MAEL: variants seen among roughly 807,000 people sequenced by gnomAD.
MAEL encodes protein maelstrom homolog.
Under a neutral mutation model 62.0 loss-of-function variants are expected in MAEL, and 46 were observed. The ratio of observed to expected loss-of-function variants is 0.74; its 90% CI spans 0.59 to 0.95. MAEL has a LOEUF of 0.95. MAEL is among the 40% of genes least tolerant of loss of function. The pLI is 0.00. For missense variants in MAEL, 497 were observed against 526.8 expected (o/e 0.94, Z 0.55); for synonymous variants, 172 against 175.5 (o/e 0.98, Z 0.16).
In MAEL at chr1:166,995,498, T is replaced by C. The variant is rs557878746; in HGVS notation, c.523+1429T>C. ...CAGGTGATCTGCCTGCCTCAGGCTC[T>C]CAAAGTGCTGGGATTACAGGCGTGA... On this transcript the variant is annotated intron_variant, in intron 5 of 11. Coordinates refer to ENST00000367872, the MANE Select transcript of MAEL (RefSeq NM_032858.3). Among the ~76,000 whole-genome samples, 3 of 151,828 alleles carry C rather than the reference T, an allele frequency of 2.0e-5. No homozygotes were observed. The East Asian group carries it at 5.9e-4, about 30-fold the overall frequency.
chr1:167,015,896 GTGCCTACCACAA>G (rs1271421738), intron 8 of MAEL, among the ~76,000 whole-genome samples: 2 of 151,958 alleles, frequency 1.3e-5, no homozygotes, highest in African/African-American at 4.8e-5. Flanking sequence ...TGTATTTCTA[GTGCCTACCACAA>G]GGCCTAGAAA....
upstream of MAEL, among the ~76,000 whole-genome samples, chr1:166,986,154 AG>A (rs1200830720): frequency 3.3e-5 from 5 of 152,210 alleles, no homozygotes; most frequent in African/African-American, 1.2e-4. Flanking sequence ...AAAAGACTGA[AG>A]GAAAAAAATG....
At chr1:166,991,288 C>A in intron 2 of MAEL, 90 bp from the exon 3 acceptor site, 4 of 766,112 alleles carry the variant, frequency 5.2e-6, no homozygotes, top group Non-Finnish European at 9.4e-6. Context: ...AATCTATAGG[C>A]TGTTTTGCAG....
chr1:167,007,234 G>T (rs1304006191), intron 8 of MAEL, among the ~76,000 whole-genome samples: 1 of 150,572 alleles, frequency 6.6e-6, no homozygotes, highest in Non-Finnish European at 1.5e-5. Context: ...ATCTATTATT[G>T]TAATTTATTT....
chr1:166,988,902 C>T (rs927712367), upstream of MAEL, among the ~76,000 whole-genome samples: 2 of 152,174 alleles, frequency 1.3e-5, no homozygotes, highest in Admixed American at 1.3e-4. Context: ...CAAGGAAGAC[C>T]TTGTCATGTT....
chr1:167,018,883 G>A (rs946721227), intron 10 of MAEL, among the ~76,000 whole-genome samples: 2 of 152,178 alleles, frequency 1.3e-5, no homozygotes, highest in African/African-American at 4.8e-5. Context: ...TTGAGCATGA[G>A]AGAGGTTTTT....
At chr1:167,006,596 T>A (rs71523118) in intron 8 of MAEL, among the ~76,000 whole-genome samples, 1 of 121,172 alleles carries the variant, frequency 8.3e-6, no homozygotes, top group Non-Finnish European at 1.7e-5. Context: ...GTTACTGGTT[T>A]TTTACTATAT....
intron 8 of MAEL, among the ~76,000 whole-genome samples, chr1:167,011,748 A>G (rs190680240): frequency 6.6e-6 from 1 of 152,304 alleles, no homozygotes; most frequent in East Asian, 1.9e-4. Context: ...TTAATAATTA[A>G]ATTTGTACAT....
chr1:166,989,183 C>T (rs1664032911), upstream of MAEL: 3 of 904,270 alleles, frequency 3.3e-6, no homozygotes, highest in East Asian at 2.7e-5. Context: ...ATCTTCCAGT[C>T]TCAGGCTGTT....
chr1:166,993,922 TA>T, intron 4 of MAEL, 105 bp from the exon 5 acceptor site: 1 of 762,560 alleles, frequency 1.3e-6, no homozygotes, highest in Non-Finnish European at 2.1e-6. Context: ...TTTCATGTAA[TA>T]AAAATTACCT....
intron 5 of MAEL, among the ~76,000 whole-genome samples, chr1:166,999,903 G>A (rs1428548418): frequency 1.3e-5 from 2 of 151,988 alleles, no homozygotes; most frequent in Non-Finnish European, 2.9e-5. Flanking sequence ...CTAGAAGACA[G>A]CACATCTGCT....
At chr1:167,008,769 TTAAA>T (rs1322502767) in intron 8 of MAEL, among the ~76,000 whole-genome samples, 18 of 152,118 alleles carry the variant, frequency 1.2e-4, no homozygotes, top group Non-Finnish European at 2.1e-4. Context: ...CATTGCCATT[TTAAA>T]TAAATTATGT....
intron 2 of MAEL, 35 bp downstream of exon 2, chr1:166,989,864 G>A (rs2102067673): frequency 6.6e-7 from 1 of 1,504,080 alleles, no homozygotes; most frequent in Non-Finnish European, 9.2e-7. Flanking sequence ...CCATCTGCCT[G>A]GCACATAGGC....
intron 5 of MAEL, among the ~76,000 whole-genome samples, chr1:167,003,388 C>T (rs936623459): frequency 3.7e-4 from 57 of 152,188 alleles, no homozygotes; most frequent in African/African-American, 1.3e-3. Flanking sequence ...TATTTGTTCT[C>T]GTTCTTGTTT....
upstream of MAEL, chr1:166,989,072 G>A (rs1295290633): frequency 7.1e-6 from 3 of 423,420 alleles, no homozygotes; most frequent in Admixed American, 3.6e-5. Flanking sequence ...GGCCTCCCAC[G>A]TGACAATGCC....
upstream of MAEL, chr1:166,989,186 A>G (rs1391744995): frequency 2.2e-6 from 2 of 905,224 alleles, no homozygotes; most frequent in Non-Finnish European, 1.6e-6. Flanking sequence ...TTCCAGTCTC[A>G]GGCTGTTTGT....
intron 5 of MAEL, among the ~76,000 whole-genome samples, chr1:166,996,850 G>A (rs577261106): frequency 1.5e-4 from 23 of 152,118 alleles, no homozygotes; most frequent in Admixed American, 2.0e-4. Context: ...TTTTTAAGAC[G>A]GAGTCTTGCT....
chr1:167,003,879 G>C (rs190402715), intron 5 of MAEL, among the ~76,000 whole-genome samples: 14 of 152,144 alleles, frequency 9.2e-5, no homozygotes, highest in African/African-American at 3.4e-4. Context: ...CCGCAGGCCT[G>C]GTTACTGAAC....
At chr1:166,984,119 T>A (rs559316759), upstream of MAEL, among the ~76,000 whole-genome samples, 1 of 152,036 alleles carries the variant, frequency 6.6e-6, no homozygotes, top group Non-Finnish European at 1.5e-5. Flanking sequence ...CCCAAAGTCC[T>A]CCCTATCTTA....
Sources: allele counts gnomAD v4.1 joint callset (sites outside exome capture counted in the v4.1 genomes callset), GRCh38; gene constraint gnomAD v4.1.1; transcripts MANE v1.5; gene names NCBI Gene and HGNC (gene_info 2026-07-23, HGNC 2026-07-21).